CPLANE1: variants seen among roughly 807,000 people sequenced by gnomAD.
CPLANE1 encodes ciliogenesis and planar polarity effector complex subunit 1.
CPLANE1 carries 263 observed loss-of-function variants against 362.5 expected under a neutral mutation model. The ratio of observed to expected loss-of-function variants is 0.73; its 90% CI spans 0.66 to 0.80. The LOEUF is 0.80. CPLANE1 is among the 30% of genes least tolerant of loss of function. The probability of loss-of-function intolerance (pLI) is 0.00; values close to 1 mark genes in which losing one functional copy is unlikely to be tolerated. For synonymous variants in CPLANE1, 1,212 were observed against 1,302.6 expected (o/e 0.93, Z 1.50); for missense variants, 3,461 against 3,793.4 (o/e 0.91, Z 2.30).
In CPLANE1 at chr5:37,197,897, C is replaced by T. The variant is rs1390989508; in HGVS notation, c.3672+805G>A. 2.0e-5 allele frequency among the ~76,000 whole-genome samples: 3 copies of T among 152,164 alleles called. 1 individual carries two copies. Among genetic ancestry groups the T allele is most frequent in the East Asian group, 1.9e-4 (1 of 5,176 alleles). Reference sequence around the variant, plus strand: ...GTCCACTTCCTCCTCTCCCTAACCCCGGCAACCAACCACTAGTTACTTTCA... The same window carrying T: ...GTCCACTTCCTCCTCTCCCTAACCCTGGCAACCAACCACTAGTTACTTTCA... On this transcript the variant is annotated intron_variant, in intron 20 of 52. Transcript: ENST00000651892.
At chr5:37,116,440 C>A (rs1379792436) in intron 50 of CPLANE1, among the ~76,000 whole-genome samples, 1 of 133,914 alleles carries the variant, frequency 7.5e-6, no homozygotes, top group Non-Finnish European at 1.5e-5. Flanking sequence ...GAGGTGAGAT[C>A]ACGCCACTGC....
At chr5:37,108,532 T>C (rs1031921410) in intron 51 of CPLANE1, 61 bp from the exon 52 acceptor site, 3 of 1,447,670 alleles carry the variant, frequency 2.1e-6, no homozygotes, top group South Asian at 2.5e-5. Flanking sequence ...TTCATTCATT[T>C]GTTAATTGTG....
At chr5:37,211,065 C>CG in intron 16 of CPLANE1, 1 of 859,560 alleles carries the variant, frequency 1.2e-6, no homozygotes, top group South Asian at 1.3e-5. Context: ...TGTGATCCAT[C>CG]ATTCTGCCAA....
chr5:37,168,506 A>AC (rs1200951999), intron 34 of CPLANE1, among the ~76,000 whole-genome samples: 1 of 147,104 alleles, frequency 6.8e-6, no homozygotes, highest in African/African-American at 2.6e-5. Flanking sequence ...TAAAATACAC[A>AC]ATTTTTTTTT....
intron 5 of CPLANE1, among the ~76,000 whole-genome samples, chr5:37,243,698 T>C (rs1738443511): frequency 6.8e-6 from 1 of 146,902 alleles, no homozygotes; most frequent in African/African-American, 2.5e-5. Context: ...ATATATAACA[T>C]ATAAAAATAT....
rs1783041301 is a variant in CPLANE1 at position 37,182,814 on chromosome 5, C to T, written c.5367G>A (p.Trp1789Ter). The T allele has an allele frequency of 1.2e-6, 2 of 1,613,556 alleles. No homozygotes were observed. Among genetic ancestry groups the T allele is most frequent in the Non-Finnish European group, 1.7e-6 (2 of 1,179,842 alleles). ...TSTAAILTSL[W>*]LLEQPYFATY... ...TAGCAAAATAGGGTTGTTCCAAAAG[C>T]CATAATGATGTAAGAATGGCAGCTG... The change falls in exon 26 of 53, where the codon TGG (tryptophan) becomes TGA (stop). Residue 1789 changes from tryptophan to a stop codon, truncating the protein, a stop_gained. Transcript: ENST00000651892. LOFTEE classifies it high-confidence loss of function.
chr5:37,229,533 T>G (rs1232214936), intron 9 of CPLANE1, among the ~76,000 whole-genome samples: 1 of 131,328 alleles, frequency 7.6e-6, no homozygotes, highest in Non-Finnish European at 1.6e-5. Flanking sequence ...AGCGAGACTC[T>G]GTCTCAAAAT....
chr5:37,195,166 A>AG (rs1447728659), intron 21 of CPLANE1, among the ~76,000 whole-genome samples: 2 of 151,764 alleles, frequency 1.3e-5, no homozygotes, highest in African/African-American at 4.8e-5. Context: ...AAAAAAAAAA[A>AG]AAAGATAAGA....
chr5:37,212,318 A>AT (rs1241203508), intron 16 of CPLANE1: 2 of 907,958 alleles, frequency 2.2e-6, no homozygotes, highest in Admixed American at 1.7e-5. Context: ...ACACACTGCA[A>AT]TGTAGTGACA....
At chr5:37,246,446 G>C (rs1739694698) in intron 2 of CPLANE1, 1 of 152,158 alleles carries the variant, frequency 6.6e-6, no homozygotes, top group Admixed American at 6.6e-5. Flanking sequence ...CTCCTGAGTA[G>C]CTGGGACCAC....
At chr5:37,207,961 T>G (rs957263931) in intron 16 of CPLANE1, among the ~76,000 whole-genome samples, 3 of 152,176 alleles carry the variant, frequency 2.0e-5, no homozygotes, top group African/African-American at 7.2e-5. Flanking sequence ...TTTTGTTTTG[T>G]TTTGTTTTGT....
In CPLANE1 at chr5:37,110,254, G is replaced by A. The variant is rs576296644; in HGVS notation, c.9401-1783C>T. On this transcript the variant is annotated intron_variant, in intron 51 of 52. Transcript: ENST00000651892. ...GCCCATCTCTCCCACCATATCTCTC[G>A]TCACCTTTCCACACTGATCTTTTCT... Among the ~76,000 whole-genome samples the A allele has an allele frequency of 4.0e-5, 6 of 151,792 alleles. No homozygotes were observed. In the East Asian group the frequency reaches 7.7e-4, roughly 20 times the overall value.
At chr5:37,239,599 A>C in intron 7 of CPLANE1, 114 bp downstream of exon 7, 1 of 711,870 alleles carries the variant, frequency 1.4e-6, no homozygotes, top group Non-Finnish European at 2.0e-6. Flanking sequence ...AAAAAAAAAA[A>C]ACCAGAAAGA....
intron 9 of CPLANE1, among the ~76,000 whole-genome samples, chr5:37,230,110 G>T (rs1296917028): frequency 6.6e-6 from 1 of 150,550 alleles, no homozygotes; most frequent in Non-Finnish European, 1.5e-5. Context: ...CGGGAGAGGG[G>T]GTTGCAGTGA....
In CPLANE1 at chr5:37,245,752, G is replaced by T. The variant is rs1307084274; in HGVS notation, c.175C>A (p.Pro59Thr). 6.5e-7 allele frequency: 1 copy of T among 1,536,482 alleles called. No homozygotes were observed. The highest frequency in any genetic ancestry group is 8.8e-7 in the Non-Finnish European group (1 of 1,142,066). ...AGGACAATAACATCCTTCAAGAAAG[G>T]CTGCAGACTAGGAATTTTCTTCTTT... is the stretch of plus-strand genomic sequence containing the variant. ...KIKKKIPSLQPFLKDVIVLTT... is the reference protein window; with the variant it reads ...KIKKKIPSLQTFLKDVIVLTT... Residue 59 changes from proline to threonine, a missense_variant, in exon 3 of 53, where the codon CCT becomes ACT. Around this residue, in one of 2 missense-constraint regions of CPLANE1, gnomAD observed 3,380 missense variants for 3,666.1 expected, o/e 0.92. Coordinates refer to ENST00000651892, the MANE Select transcript of CPLANE1 (RefSeq NM_001384732.1).
rs995016841 is a variant in CPLANE1, at chr5:37,238,872, G to A, written c.923C>T (p.Pro308Leu). The change falls in exon 8 of 53, where the codon CCA (proline) becomes CTA (leucine). Residue 308 changes from proline to leucine, a missense_variant. Pro to Leu is a moderately conservative substitution (Grantham distance 98, BLOSUM62 -3). Coordinates refer to ENST00000651892, the MANE Select transcript of CPLANE1 (RefSeq NM_001384732.1). ...KGCSNKSPVVPATLIRSYWVG... is the reference protein window; with the variant it reads ...KGCSNKSPVVLATLIRSYWVG... ...GAGTTCTTACCTAATAAGTGTAGCTGGAACCACGGGACTCTTGTTACTACA... is the reference window on the plus strand; with the variant it reads ...GAGTTCTTACCTAATAAGTGTAGCTAGAACCACGGGACTCTTGTTACTACA... The A allele has an allele frequency of 4.0e-6, 6 of 1,517,314 alleles. No individual in the cohort carries two copies. Among genetic ancestry groups the A allele is most frequent in the Non-Finnish European group, 5.3e-6 (6 of 1,131,236 alleles). The allele number at this position is 1,517,314 out of a possible 1,614,324, so 94.0% of individuals were successfully genotyped here.
rs930939681 is a variant in CPLANE1 at position 37,209,546 on chromosome 5, C to T, written c.2921-3121G>A. 3 of 1,294,600 alleles carry T rather than the reference C, an allele frequency of 2.3e-6. No homozygotes were observed. Among genetic ancestry groups the T allele is most frequent in the Admixed American group, 3.4e-5 (2 of 59,334 alleles). 80.2% of individuals were successfully genotyped at this position (1,294,600 alleles called of 1,614,324 possible). A position where few individuals can be genotyped will look rare whatever the true frequency, so the allele number is the denominator to read the frequency against. ...TGAGTGGAGAACTGCAACCTCAGTC[C>T]ATTTCAGTGCAAGGGAGCTCCCTCT... On this transcript the variant is annotated intron_variant, in intron 16 of 52. Coordinates refer to ENST00000651892, the MANE Select transcript of CPLANE1 (RefSeq NM_001384732.1). This position sits in a 1 kb window ranked among gnomAD's most constrained non-coding sequence, Gnocchi z 4.6.
chr5:37,086,397 A>G, the CPLANE1 span, among the ~76,000 whole-genome samples: 2 of 152,220 alleles, frequency 1.3e-5, no homozygotes, highest in African/African-American at 4.8e-5. Context: ...GCAGGGGTTC[A>G]GTCAGGATGG....
At chr5:37,082,782 GAAAA>G in the CPLANE1 span, among the ~76,000 whole-genome samples, 1 of 134,624 alleles carries the variant, frequency 7.4e-6, no homozygotes, top group African/African-American at 2.8e-5. Flanking sequence ...AAAAAAAAAA[GAAAA>G]AAGCAGGAGT....
Sources: allele counts gnomAD v4.1 joint callset (sites outside exome capture counted in the v4.1 genomes callset), GRCh38; gene constraint gnomAD v4.1.1; regional missense constraint gnomAD v4.1.1; non-coding constraint Gnocchi (gnomAD v3.1); transcripts MANE v1.5; gene names NCBI Gene and HGNC (gene_info 2026-07-23, HGNC 2026-07-21).